ECRG4: variants seen among roughly 807,000 people sequenced by gnomAD.
ECRG4 encodes ECRG4 augurin precursor.
In ECRG4, 18 loss-of-function variants were observed where a neutral mutation model predicts 15.8. The ratio of observed to expected loss-of-function variants is 1.14; its 90% CI spans 0.79 to 1.69. ECRG4 has a LOEUF of 1.69. Among genes scored for constraint, ECRG4 ranks in the 40% most tolerant of loss-of-function variants. The pLI, the probability that ECRG4 is intolerant of heterozygous loss-of-function variation, is 0.00. For missense variants in ECRG4, 200 were observed against 190.9 expected (o/e 1.05, Z -0.28); for synonymous variants, 82 against 73.9 (o/e 1.11, Z -0.56).
In ECRG4 at chr2:106,071,836, T is replaced by A. The variant is rs1369095059; in HGVS notation, c.80-8T>A. The A allele has an allele frequency of 1.9e-6, 3 of 1,612,814 alleles. No individual in the cohort carries two copies. The highest frequency in any genetic ancestry group is 2.5e-6 in the Non-Finnish European group (3 of 1,179,022). On this transcript the variant is annotated splice_polypyrimidine_tract_variant and splice_region_variant and intron_variant, in intron 1 of 3. Transcript: ENST00000238044. The stretch of plus-strand genomic sequence containing the variant: ...CTCTGATATGGATTTCAATTTTCAT[T>A]CCTTTAGGTGGCATAAGTGGAAATA...
At position 106,068,513 on chromosome 2, in the gene ECRG4, A is replaced by G. The variant is rs79417304; in HGVS notation, c.79+2670A>G. Reference sequence around the variant, plus strand: ...GGGACTTATTTGTGCTTTTCCATCTATAGCTAAGGTTTGGCGAGGCTCTCA... The same window carrying G: ...GGGACTTATTTGTGCTTTTCCATCTGTAGCTAAGGTTTGGCGAGGCTCTCA... On this transcript the variant is annotated intron_variant, in intron 1 of 3. Coordinates refer to ENST00000238044, the MANE Select transcript of ECRG4 (RefSeq NM_032411.3). 8.3e-3 allele frequency among the ~76,000 whole-genome samples: 1,260 copies of G among 152,314 alleles called. 21 individuals are homozygous for G. The highest frequency in any genetic ancestry group is 0.029 in the African/African-American group (1,191 of 41,560).
At chr2:106,071,686 G>A (rs1205570343) in intron 1 of ECRG4, among the ~76,000 whole-genome samples, 158 bp from the exon 2 acceptor site, 1 of 152,194 alleles carries the variant, frequency 6.6e-6, no homozygotes, top group East Asian at 1.9e-4. Context: ...TTGTCCTGCA[G>A]GACAGGGAAT....
intron 1 of ECRG4, among the ~76,000 whole-genome samples, chr2:106,067,462 C>A (rs903254045): frequency 1.8e-4 from 26 of 148,426 alleles, no homozygotes; most frequent in Non-Finnish European, 3.4e-4. Flanking sequence ...AGTTCTTATA[C>A]AGTGAAAATA....
At chr2:106,066,825 A>T (rs1254061577) in intron 1 of ECRG4, among the ~76,000 whole-genome samples, 2 of 152,150 alleles carry the variant, frequency 1.3e-5, no homozygotes, top group African/African-American at 2.4e-5. Flanking sequence ...GGCAGGGGAC[A>T]TTCAGTAGGA....
intron 3 of ECRG4, among the ~76,000 whole-genome samples, chr2:106,075,578 C>G (rs1044518031): frequency 8.5e-5 from 13 of 152,258 alleles, no homozygotes; most frequent in African/African-American, 3.1e-4. Context: ...AAAAAATTAG[C>G]CAGGTGTGTG....
At chr2:106,072,827 C>A (rs150229160) in intron 2 of ECRG4, among the ~76,000 whole-genome samples, 2 of 152,328 alleles carry the variant, frequency 1.3e-5, no homozygotes, top group Admixed American at 1.3e-4. Flanking sequence ...CCTTACCTCA[C>A]GGATGCCCAG....
At chr2:106,077,329 G>A (rs1052087179) in intron 3 of ECRG4, among the ~76,000 whole-genome samples, 4 of 152,138 alleles carry the variant, frequency 2.6e-5, no homozygotes, top group African/African-American at 9.7e-5. Flanking sequence ...TCTAACTCAG[G>A]CAACATTTAT....
intron 1 of ECRG4, among the ~76,000 whole-genome samples, chr2:106,067,059 C>CGGGGGG (rs1171603168): frequency 2.3e-4 from 1 of 4,266 alleles, no homozygotes; most frequent in African/African-American, 9.5e-4. Flanking sequence ...TTTGGGAGGC[C>CGGGGGG]GGGGGGGGGG....
chr2:106,066,852 C>T (rs1454005448), intron 1 of ECRG4, among the ~76,000 whole-genome samples: 1 of 152,022 alleles, frequency 6.6e-6, no homozygotes, highest in Non-Finnish European at 1.5e-5. Context: ...GGATGGAGCC[C>T]CGGGGTTGCT....
intron 2 of ECRG4, 66 bp downstream of exon 2, chr2:106,071,957 A>G: frequency 7.2e-7 from 1 of 1,387,688 alleles, no homozygotes; most frequent in Admixed American, 1.7e-5. Context: ...GGCAATATGG[A>G]TTGTGCTCAC....
chr2:106,077,060 C>A (rs1031369527), intron 3 of ECRG4, among the ~76,000 whole-genome samples: 1 of 152,212 alleles, frequency 6.6e-6, no homozygotes, highest in Non-Finnish European at 1.5e-5. Flanking sequence ...GCTTCTCTAT[C>A]CCTTTTATTA....
Position 106,065,814 on chromosome 2 carries a change from C to G in ECRG4, c.50C>G (p.Ala17Gly). ...RPAVLALTGL[A>G]LLLLLCWGPG... ...GCTGTCCTGGCCCTGACCGGGCTGGCGCTGCTCCTGCTCCTGTGCTGGGGC... is the reference window on the plus strand; with the variant it reads ...GCTGTCCTGGCCCTGACCGGGCTGGGGCTGCTCCTGCTCCTGTGCTGGGGC... The change falls in exon 1 of 4, where the codon GCG becomes GGG. Residue 17 changes from alanine (A) to glycine (G), a missense_variant. Transcript: ENST00000238044. 6.7e-7 allele frequency: 1 copy of G among 1,485,416 alleles called. No individual in the cohort carries two copies. Among genetic ancestry groups the G allele is most frequent in the South Asian group, 1.3e-5 (1 of 78,250 alleles). The allele number at this position is 1,485,416 out of a possible 1,614,324, so 92.0% of individuals were successfully genotyped here. A position where few individuals can be genotyped will look rare whatever the true frequency, so the allele number is the denominator to read the frequency against.
intron 2 of ECRG4, among the ~76,000 whole-genome samples, chr2:106,072,832 G>A (rs1676400372): frequency 1.3e-5 from 2 of 152,204 alleles, no homozygotes; most frequent in Non-Finnish European, 2.9e-5. Context: ...CCTCACGGAT[G>A]CCCAGGGATC....
At position 106,078,120 on chromosome 2, in the gene ECRG4, TA is replaced by T; in HGVS notation, c.*199del. ...ATATTTCATGGGAATGCCTCTCATT[TA>T]AAAATAGAAATAAAGCATTTTGTTA... On this transcript the variant is annotated 3_prime_UTR_variant, in exon 4 of 4. Transcript: ENST00000238044. 2.2e-6 allele frequency: 1 copy of T among 445,802 alleles called. No individual in the cohort carries two copies. Among genetic ancestry groups the T allele is most frequent in the South Asian group, 7.0e-5 (1 of 14,342 alleles). The allele number at this position is 445,802 out of a possible 1,614,324, so 27.6% of individuals were successfully genotyped here.
chr2:106,065,884 G>T (rs73949223), intron 1 of ECRG4, 41 bp downstream of exon 1: 16,304 of 1,445,636 alleles, frequency 0.011, 221 homozygotes, highest in Admixed American at 0.066. Flanking sequence ...GCGGCACCAG[G>T]GGTTGGCCCC....
intron 2 of ECRG4, 23 bp downstream of exon 2, chr2:106,071,914 A>T: frequency 6.3e-7 from 1 of 1,597,304 alleles, no homozygotes; most frequent in East Asian, 2.2e-5. Context: ...CAAATGGATA[A>T]GGGATGCATT....
upstream of ECRG4, among the ~76,000 whole-genome samples, chr2:106,064,031 T>C (rs1324162711): frequency 6.6e-6 from 1 of 152,252 alleles, no homozygotes; most frequent in Non-Finnish European, 1.5e-5. Context: ...TGGCTTTTTA[T>C]GTGCTTTGAT....
Position 106,077,805 on chromosome 2 carries a change from G to A in ECRG4, c.326G>A (p.Arg109Gln), listed in dbSNP as rs769838546. ...ATCACCTATTGGCTTAACAGAGATC[G>A]AAATGGACATGAATACTATGGCGAT... is the stretch of plus-strand genomic sequence containing the variant. The part of the protein sequence containing the change: ...DDITYWLNRD[R>Q]NGHEYYGDYY... Residue 109 changes from arginine to glutamine, a missense_variant, in exon 4 of 4, where the codon CGA becomes CAA. Coordinates refer to ENST00000238044, the MANE Select transcript of ECRG4 (RefSeq NM_032411.3). 18 of 1,613,910 alleles carry A rather than the reference G, an allele frequency of 1.1e-5. No homozygotes were observed. The East Asian group carries it at 2.0e-4, about 18-fold the overall frequency.
chr2:106,073,743 G>C, intron 2 of ECRG4, 143 bp from the exon 3 acceptor site: 1 of 931,694 alleles, frequency 1.1e-6, no homozygotes, highest in Non-Finnish European at 1.7e-6. Flanking sequence ...GTGTCACATT[G>C]TCACATGCAA....
Sources: allele counts gnomAD v4.1 joint callset (sites outside exome capture counted in the v4.1 genomes callset), GRCh38; gene constraint gnomAD v4.1.1; transcripts MANE v1.5; gene names NCBI Gene and HGNC (gene_info 2026-07-23, HGNC 2026-07-21).